Variants in NKAIN3 observed in about 807,000 individuals in gnomAD.
NKAIN3 encodes the protein sodium/potassium transporting ATPase interacting 3, also known as sodium/potassium-transporting ATPase subunit beta-1-interacting protein 3.
NKAIN3 carries 25 observed loss-of-function variants against 30.2 expected under a neutral mutation model. The observed-to-expected ratio is 0.83, with a 90% CI of 0.60 to 1.16. The LOEUF is 1.16. Among genes scored for constraint, NKAIN3 ranks in the 50% most tolerant of loss-of-function variants. The pLI is 0.00. For missense variants in NKAIN3, 225 were observed against 254.1 expected, an observed-to-expected ratio of 0.89 and a Z score of 0.78; for synonymous variants, 91 against 89.6, an observed-to-expected ratio of 1.02 and a Z score of -0.09.
At chr8:62,507,810 G>A (rs1057085156) in intron 1 of NKAIN3, among the ~76,000 whole-genome samples, 2 of 152,066 alleles carry the variant, frequency 1.3e-5, no homozygotes, top group African/African-American at 2.4e-5. Context: ...CTCGGCTCCC[G>A]ACTGCAAAGG....
chr8:62,940,119 C>T (rs1316828700), intron 5 of NKAIN3, among the ~76,000 whole-genome samples: 1 of 145,834 alleles, frequency 6.9e-6, no homozygotes, highest in African/African-American at 2.6e-5. Context: ...ATTTTTATAT[C>T]AGACAAAACA....
At chr8:62,631,346 T>G (rs1811953323) in intron 3 of NKAIN3, among the ~76,000 whole-genome samples, 1 of 152,152 alleles carries the variant, frequency 6.6e-6, no homozygotes, top group African/African-American at 2.4e-5. Flanking sequence ...ATCTCTGATA[T>G]TTCTCACCTT....
intron 4 of NKAIN3, among the ~76,000 whole-genome samples, chr8:62,802,638 C>T (rs182992995): frequency 1.1e-3 from 162 of 152,226 alleles, no homozygotes; most frequent in African/African-American, 3.3e-3. Context: ...AAGGAACAAC[C>T]GGTACCAGCC....
intron 3 of NKAIN3, among the ~76,000 whole-genome samples, chr8:62,597,150 G>A (rs1307920374): frequency 6.6e-6 from 1 of 152,040 alleles, no homozygotes. Context: ...GTTGCAAGCT[G>A]GTCCCTCGGA....
intron 1 of NKAIN3, among the ~76,000 whole-genome samples, chr8:62,466,067 G>T (rs551660398): frequency 4.6e-5 from 7 of 152,032 alleles, no homozygotes; most frequent in Non-Finnish European, 8.8e-5. Context: ...AGACACGATA[G>T]CAAGGTAATT....
chr8:62,253,700 G>A (rs1488113674), intron 1 of NKAIN3, among the ~76,000 whole-genome samples: 2 of 152,158 alleles, frequency 1.3e-5, no homozygotes, highest in African/African-American at 4.8e-5. Context: ...CAAACCATCT[G>A]TGAGCAAAGC....
chr8:62,831,909 T>TAGTC (rs760477280), intron 4 of NKAIN3, among the ~76,000 whole-genome samples: 38 of 152,232 alleles, frequency 2.5e-4, no homozygotes, highest in Non-Finnish European at 5.3e-4. Flanking sequence ...TCAAGGCATA[T>TAGTC]AGTCACCAGA....
intron 4 of NKAIN3, among the ~76,000 whole-genome samples, chr8:62,858,804 G>A (rs1820144576): frequency 6.6e-6 from 1 of 152,238 alleles, no homozygotes; most frequent in Non-Finnish European, 1.5e-5. Context: ...TTTTACTGCA[G>A]GCTGGCTGGA....
intron 1 of NKAIN3, among the ~76,000 whole-genome samples, chr8:62,435,481 T>A (rs1805141183): frequency 6.6e-6 from 1 of 152,176 alleles, no homozygotes; most frequent in African/African-American, 2.4e-5. Context: ...TAAGTAGATA[T>A]ACGAAGCCAA....
In NKAIN3 at chr8:62,840,517, T is replaced by A. The variant is rs545650047; in HGVS notation, c.472-77936T>A. On this transcript the variant is annotated intron_variant, in intron 4 of 6. Transcript: ENST00000623646. ...GCTCTCTACATTTTTGTGCTAAAAC[T>A]TCTTTTTATGAAGAGACTTCCAGAA... is the stretch of plus-strand genomic sequence containing the variant. Among the ~76,000 whole-genome samples, 3 of 152,212 alleles carry A rather than the reference T, an allele frequency of 2.0e-5. No homozygotes were observed. In the East Asian group the frequency reaches 5.8e-4, roughly 29 times the overall value.
At chr8:62,639,770 A>G (rs1290691068) in intron 3 of NKAIN3, among the ~76,000 whole-genome samples, 1 of 152,042 alleles carries the variant, frequency 6.6e-6, no homozygotes, top group Non-Finnish European at 1.5e-5. Flanking sequence ...TATAAATTTG[A>G]GTTAGTTTAG....
intron 5 of NKAIN3, among the ~76,000 whole-genome samples, chr8:62,929,121 G>T (rs1343120216): frequency 1.3e-5 from 2 of 152,124 alleles, no homozygotes; most frequent in East Asian, 3.9e-4. Context: ...AAGCATGCAG[G>T]GAATCACTTA....
At chr8:62,758,061 T>C (rs907438064) in intron 4 of NKAIN3, among the ~76,000 whole-genome samples, 1 of 152,168 alleles carries the variant, frequency 6.6e-6, no homozygotes, top group African/African-American at 2.4e-5. Context: ...TCGCAGAAAT[T>C]CAACCTCGAG....
At chr8:62,708,364 T>A (rs1457184967) in intron 3 of NKAIN3, among the ~76,000 whole-genome samples, 1 of 152,172 alleles carries the variant, frequency 6.6e-6, no homozygotes, top group Non-Finnish European at 1.5e-5. Context: ...GAGCATGGGA[T>A]GTGTTTCCAT....
chr8:62,695,969 A>T (rs1246964445), intron 3 of NKAIN3, among the ~76,000 whole-genome samples: 1 of 152,164 alleles, frequency 6.6e-6, no homozygotes, highest in Non-Finnish European at 1.5e-5. Context: ...AAAGAAACAC[A>T]TATTTTATAT....
At chr8:62,667,794 C>T (rs1813173581) in intron 3 of NKAIN3, among the ~76,000 whole-genome samples, 1 of 152,126 alleles carries the variant, frequency 6.6e-6, no homozygotes, top group Admixed American at 6.5e-5. Context: ...ATGGCCTTTA[C>T]CGCCTCACAT....
intron 1 of NKAIN3, among the ~76,000 whole-genome samples, chr8:62,498,433 C>G (rs1049371875): frequency 6.6e-6 from 1 of 152,032 alleles, no homozygotes; most frequent in African/African-American, 2.4e-5. Context: ...ACATTCAGCA[C>G]CATATTGCTT....
At chr8:62,861,589 A>G (rs1362707796) in intron 4 of NKAIN3, among the ~76,000 whole-genome samples, 1 of 152,210 alleles carries the variant, frequency 6.6e-6, no homozygotes, top group Non-Finnish European at 1.5e-5. Context: ...TAACACAGAA[A>G]TCCCAGGACT....
intron 4 of NKAIN3, among the ~76,000 whole-genome samples, chr8:62,795,465 G>A (rs1422743199): frequency 6.6e-6 from 1 of 152,114 alleles, no homozygotes; most frequent in Non-Finnish European, 1.5e-5. Context: ...GCAGTGCTGT[G>A]CAGCACAAAA....
Sources: gnomAD v4.1 joint callset for allele counts (sites outside exome capture counted in the v4.1 genomes callset) on GRCh38, gnomAD v4.1.1 for gene constraint, MANE v1.5 for transcripts, NCBI Gene and HGNC (gene_info 2026-07-23, HGNC 2026-07-21) for gene names.